The following CDKAL1 variants were observed in gnomAD, a reference collection of about 807,000 sequenced individuals.
The protein encoded by CDKAL1 is threonylcarbamoyladenosine tRNA methylthiotransferase.
Under a neutral mutation model 68.2 loss-of-function variants are expected in CDKAL1, and 32 were observed. The ratio of observed to expected loss-of-function variants is 0.47; its 90% CI spans 0.35 to 0.63. The LOEUF (loss-of-function observed/expected upper bound fraction) is 0.63. Ranked by LOEUF, CDKAL1 falls within the 30% of genes least tolerant of loss-of-function variation. The pLI is 0.00. For missense variants in CDKAL1, 606 were observed against 696.7 expected (o/e 0.87, Z 1.47); for synonymous variants, 234 against 244.3 (o/e 0.96, Z 0.39).
intron 10 of CDKAL1, among the ~76,000 whole-genome samples, chr6:20,965,958 C>G (rs1388799371): frequency 1.3e-5 from 2 of 152,216 alleles, no homozygotes; most frequent in Admixed American, 1.3e-4. Flanking sequence ...CTACGATCCT[C>G]TCGGTATTGA....
intron 4 of CDKAL1, among the ~76,000 whole-genome samples, chr6:20,647,469 C>T (rs1768528889): frequency 6.6e-6 from 1 of 152,194 alleles, no homozygotes; most frequent in Admixed American, 6.5e-5. Flanking sequence ...AATGTCTACT[C>T]TGTGCCCATC....
chr6:20,713,330 A>G (rs1231248585), intron 5 of CDKAL1, among the ~76,000 whole-genome samples: 3 of 152,116 alleles, frequency 2.0e-5, no homozygotes, highest in Non-Finnish European at 4.4e-5. Flanking sequence ...TTTGCTCTCC[A>G]CTGCCATTTT....
intron 9 of CDKAL1, among the ~76,000 whole-genome samples, chr6:20,925,654 G>C (rs1187100044): frequency 6.6e-6 from 1 of 152,022 alleles, no homozygotes; most frequent in Non-Finnish European, 1.5e-5. Flanking sequence ...TTTTTAAAAA[G>C]ACATGTTTTA....
intron 9 of CDKAL1, among the ~76,000 whole-genome samples, chr6:20,925,691 A>C (rs1581842553): frequency 1.3e-5 from 2 of 152,150 alleles, no homozygotes; most frequent in African/African-American, 2.4e-5. Flanking sequence ...GATTCCAGAA[A>C]ATATAGAAAT....
chr6:20,869,760 A>G (rs1760102881), intron 9 of CDKAL1, among the ~76,000 whole-genome samples: 1 of 152,238 alleles, frequency 6.6e-6, no homozygotes, highest in African/African-American at 2.4e-5. Context: ...TGATTTCCTT[A>G]TCAATATGAA....
chr6:20,933,689 C>T (rs1763571413), intron 9 of CDKAL1, among the ~76,000 whole-genome samples: 1 of 152,142 alleles, frequency 6.6e-6, no homozygotes, highest in African/African-American at 2.4e-5. Context: ...TTCTATTTGT[C>T]AAGGTAAGTG....
intron 4 of CDKAL1, among the ~76,000 whole-genome samples, chr6:20,598,338 T>C (rs1044892092): frequency 1.3e-5 from 2 of 152,264 alleles, no homozygotes; most frequent in African/African-American, 4.8e-5. Flanking sequence ...CTTTTGTTAA[T>C]ATTACATACC....
intron 9 of CDKAL1, among the ~76,000 whole-genome samples, chr6:20,862,673 ATGCGCGCGTGCG>A (rs1759707134): frequency 1.4e-5 from 2 of 146,458 alleles, no homozygotes; most frequent in Non-Finnish European, 3.0e-5. Flanking sequence ...GCGCGCGTGC[ATGCGCGCGTGCG>A]CATATACCCA....
intron 11 of CDKAL1, among the ~76,000 whole-genome samples, chr6:21,042,282 A>G (rs1769970608): frequency 1.3e-5 from 2 of 151,686 alleles, no homozygotes; most frequent in Non-Finnish European, 2.9e-5. Context: ...CCACCACCAT[A>G]CCACCATTCA....
intron 5 of CDKAL1, among the ~76,000 whole-genome samples, chr6:20,717,348 G>T (rs1439098096): frequency 1.3e-5 from 2 of 151,758 alleles, no homozygotes; most frequent in African/African-American, 4.8e-5. Flanking sequence ...GAGGAAAAAA[G>T]CTTTGTAGAA....
At chr6:20,860,838 C>T (rs80247612) in intron 9 of CDKAL1, among the ~76,000 whole-genome samples, 7,726 of 151,268 alleles carry the variant, frequency 0.051, 640 homozygotes, top group African/African-American at 0.17. Context: ...AAAAAAAATA[C>T]TTGCTGAATG....
At chr6:20,781,617 G>A (rs1410555758) in intron 8 of CDKAL1, among the ~76,000 whole-genome samples, 2 of 151,932 alleles carry the variant, frequency 1.3e-5, no homozygotes, top group African/African-American at 2.4e-5. Context: ...TTCAGTAAAG[G>A]TATGGTAAAT....
intron 8 of CDKAL1, among the ~76,000 whole-genome samples, chr6:20,802,042 G>A (rs537329052): frequency 5.1e-4 from 78 of 152,258 alleles, no homozygotes; most frequent in African/African-American, 1.9e-3. Flanking sequence ...GCAAACGCCT[G>A]TAATCCCAGC....
chr6:20,774,210 A>G (rs1391668004), intron 7 of CDKAL1, among the ~76,000 whole-genome samples: 1 of 152,220 alleles, frequency 6.6e-6, no homozygotes, highest in African/African-American at 2.4e-5. Flanking sequence ...AGAAAAAAGT[A>G]AAGGGAAAAA....
chr6:21,172,467 T>C (rs940347097), intron 13 of CDKAL1, among the ~76,000 whole-genome samples: 1 of 152,214 alleles, frequency 6.6e-6, no homozygotes, highest in Non-Finnish European at 1.5e-5. Context: ...AAAGCTTTCT[T>C]GGCTGGGCGA....
chr6:20,802,363 CT>C (rs2150408083), intron 8 of CDKAL1, among the ~76,000 whole-genome samples: 1 of 148,042 alleles, frequency 6.8e-6, no homozygotes, highest in East Asian at 2.0e-4. Context: ...AGTTATTTTT[CT>C]TTAGCAAATC....
chr6:20,604,532 T>A lies in CDKAL1; in HGVS notation c.287-44761T>A, dbSNP rs930304903. ...CAGCACCACCATCTGTAGACTCACATAAAACTTTATTCACTGTTAGGGCAT... is the reference window on the plus strand; with the variant it reads ...CAGCACCACCATCTGTAGACTCACAAAAAACTTTATTCACTGTTAGGGCAT... On this transcript the variant is annotated intron_variant, in intron 4 of 15. Coordinates refer to ENST00000274695, the MANE Select transcript of CDKAL1 (RefSeq NM_017774.3). 2.6e-5 allele frequency among the ~76,000 whole-genome samples: 4 copies of A among 152,234 alleles called. No individual in the cohort carries two copies. In the East Asian group the frequency reaches 5.8e-4, roughly 22 times the overall value.
At chr6:21,084,810 AC>A (rs1479407396) in intron 12 of CDKAL1, among the ~76,000 whole-genome samples, 1 of 152,210 alleles carries the variant, frequency 6.6e-6, no homozygotes, top group African/African-American at 2.4e-5. Context: ...TGGGGCCGTT[AC>A]AAAGTTATAT....
At chr6:21,048,029 C>T (rs1770339522) in intron 11 of CDKAL1, among the ~76,000 whole-genome samples, 1 of 152,160 alleles carries the variant, frequency 6.6e-6, no homozygotes, top group African/African-American at 2.4e-5. Context: ...TGTATGTACC[C>T]ACTGGCCCTC....
Sources: allele counts gnomAD v4.1 joint callset (sites outside exome capture counted in the v4.1 genomes callset), GRCh38; gene constraint gnomAD v4.1.1; transcripts MANE v1.5; gene names NCBI Gene and HGNC (gene_info 2026-07-23, HGNC 2026-07-21).